The following SRGAP3 variants were observed in gnomAD, a reference collection of about 807,000 sequenced individuals.
SRGAP3 encodes the protein SLIT-ROBO Rho GTPase activating protein 3.
In SRGAP3, 39 loss-of-function variants were observed where a neutral mutation model predicts 121.1. That is an observed-to-expected ratio of 0.32 (90% CI 0.25 to 0.42). The LOEUF is 0.42. SRGAP3 is among the 10% of genes least tolerant of loss of function. The pLI, the probability that SRGAP3 is intolerant of heterozygous loss-of-function variation, is 1.00. For missense variants in SRGAP3, 1,213 were observed against 1,470.6 expected (o/e 0.82, Z 2.86); for synonymous variants, 601 against 570.0 (o/e 1.05, Z -0.77).
intron 3 of SRGAP3, among the ~76,000 whole-genome samples, chr3:9,316,335 C>T (rs1217119404): frequency 6.6e-6 from 1 of 150,574 alleles, no homozygotes; most frequent in African/African-American, 2.4e-5. Flanking sequence ...AGGTGTGAGC[C>T]ACCACACTCA....
intron 2 of SRGAP3, among the ~76,000 whole-genome samples, chr3:9,123,392 TACACA>T (rs1176374703): frequency 0.22 from 2,463 of 11,018 alleles, 30 homozygotes; most frequent in South Asian, 0.31. Context: ...TATATATACA[TACACA>T]ATACACATAC....
At position 9,344,791 on chromosome 3, in the gene SRGAP3, C is replaced by T. The variant is rs560203924; in HGVS notation, n.215-14195G>A. 2.0e-5 allele frequency among the ~76,000 whole-genome samples: 3 copies of T among 152,282 alleles called. No homozygotes were observed. The South Asian group carries it at 6.2e-4, about 32-fold the overall frequency. On this transcript the variant is annotated intron_variant and non_coding_transcript_variant, in intron 1 of 3. Coordinates refer to the SRGAP3 transcript ENST00000490889. ...GTGGCTCATGCCTGTAATCCCAGCA[C>T]TTTGGGAGGCCTAGGCGGGTGGATC...
intron 4 of SRGAP3, among the ~76,000 whole-genome samples, chr3:9,075,627 T>C (rs1377412064): frequency 6.6e-6 from 1 of 152,116 alleles, no homozygotes; most frequent in Non-Finnish European, 1.5e-5. Context: ...CCTTTAGCAT[T>C]TATCTCCACC....
At chr3:9,363,001 G>T (rs886759418) in exon 1 of SRGAP3, 2 of 152,220 alleles carry the variant, frequency 1.3e-5, no homozygotes, top group Admixed American at 1.3e-4. Flanking sequence ...GGGGGAACCC[G>T]CCGCCAGCGC....
chr3:8,989,301 G>T (rs150158585), intron 21 of SRGAP3, among the ~76,000 whole-genome samples: 3,677 of 152,300 alleles, frequency 0.024, 68 homozygotes, highest in Non-Finnish European at 0.037. Flanking sequence ...GTATGGGGGG[G>T]ACCAGCAGCT....
At chr3:9,051,536 A>T (rs982705477) in intron 9 of SRGAP3, among the ~76,000 whole-genome samples, 8 of 152,144 alleles carry the variant, frequency 5.3e-5, no homozygotes, top group Admixed American at 5.2e-4. Context: ...CCTGCCCAAG[A>T]TATCCCCTAC....
chr3:9,118,103 G>A (rs1474284456), intron 2 of SRGAP3, among the ~76,000 whole-genome samples: 2 of 152,116 alleles, frequency 1.3e-5, no homozygotes, highest in African/African-American at 4.8e-5. Context: ...CTACATTCCA[G>A]CTTGGGCGAC....
At chr3:9,264,083 C>T (rs958976351) in intron 3 of SRGAP3, among the ~76,000 whole-genome samples, 2 of 152,146 alleles carry the variant, frequency 1.3e-5, no homozygotes, top group East Asian at 3.8e-4. Flanking sequence ...AATCAATAAA[C>T]ATAATCCATC....
At chr3:9,347,329 G>A (rs1270339039) in intron 1 of SRGAP3, among the ~76,000 whole-genome samples, 1 of 152,192 alleles carries the variant, frequency 6.6e-6, no homozygotes, top group Non-Finnish European at 1.5e-5. Context: ...CCTGGCTGGT[G>A]AGTAGGCATA....
intron 4 of SRGAP3, among the ~76,000 whole-genome samples, chr3:9,077,130 C>G (rs1182273757): frequency 4.6e-5 from 7 of 151,374 alleles, no homozygotes; most frequent in Non-Finnish European, 7.4e-5. Context: ...ACCCCCTCCC[C>G]CTCCGACAAG....
intron 6 of SRGAP3, 103 bp from the exon 7 acceptor site, chr3:9,058,575 C>A: frequency 8.1e-7 from 1 of 1,237,600 alleles, no homozygotes; most frequent in Non-Finnish European, 1.2e-6. Context: ...TTTCCACAGC[C>A]GAATCTTCCA....
chr3:9,185,004 C>T (rs1951551537), intron 1 of SRGAP3, among the ~76,000 whole-genome samples: 1 of 152,134 alleles, frequency 6.6e-6, no homozygotes, highest in Non-Finnish European at 1.5e-5. Context: ...TCTTCCCATC[C>T]TCCCTCCCCA....
rs1247312923 is a variant in SRGAP3, at chr3:9,239,347, T to C, written c.67+9538A>G. 6.6e-6 allele frequency among the ~76,000 whole-genome samples: 1 copy of C among 152,146 alleles called. No homozygotes were observed. The highest frequency in any genetic ancestry group is 1.5e-5 in the Non-Finnish European group (1 of 68,026). ...GTGAGCCAAGGTTGCACCACTGCAT[T>C]CCAGTCTGGGCAACAGAGCAAGACT... On this transcript the variant is annotated intron_variant, in intron 1 of 21. Coordinates refer to ENST00000383836, the MANE Select transcript of SRGAP3 (RefSeq NM_014850.4). The surrounding 1 kb of genome is among the most constrained non-coding windows in gnomAD (Gnocchi z 4.0).
In SRGAP3 at chr3:9,340,725, T is replaced by C. The variant is rs1955772375; in HGVS notation, n.215-10129A>G. 5.3e-5 allele frequency among the ~76,000 whole-genome samples: 8 copies of C among 152,294 alleles called. 2 individuals are homozygous for C. Among genetic ancestry groups the C allele is most frequent in the Admixed American group, 4.6e-4 (7 of 15,292 alleles). ...ATGAGTACCCAGCCCCATTTCTTGA[T>C]GTGTACAAGAGCCCTGTGGAAGAGA... On this transcript the variant is annotated intron_variant and non_coding_transcript_variant, in intron 1 of 3. Coordinates refer to the SRGAP3 transcript ENST00000490889.
chr3:9,165,754 C>T (rs192412777), intron 1 of SRGAP3, among the ~76,000 whole-genome samples: 5 of 152,274 alleles, frequency 3.3e-5, no homozygotes, highest in Non-Finnish European at 7.4e-5. Flanking sequence ...TTTGCATGCA[C>T]GGTTGCCTTG....
chr3:9,239,677 C>A lies in SRGAP3; in HGVS notation c.67+9208G>T, dbSNP rs921601808. Among the ~76,000 whole-genome samples the A allele has an allele frequency of 1.1e-4, 17 of 152,168 alleles. No homozygotes were observed. The highest frequency in any genetic ancestry group is 4.1e-4 in the African/African-American group (17 of 41,434). ...CATATTGATTAGGGCTGCACTGTTT[C>A]CAAATTACCATTTAAATCAATGGTT... is the stretch of plus-strand genomic sequence containing the variant. On this transcript the variant is annotated intron_variant, in intron 1 of 21. Coordinates refer to ENST00000383836, the MANE Select transcript of SRGAP3 (RefSeq NM_014850.4). This position sits in a 1 kb window ranked among gnomAD's most constrained non-coding sequence, Gnocchi z 4.0.
At chr3:9,123,378 T>C (rs1302112047) in intron 2 of SRGAP3, among the ~76,000 whole-genome samples, 1 of 17,824 alleles carries the variant, frequency 5.6e-5, no homozygotes, top group Non-Finnish European at 1.2e-4. Flanking sequence ...AAAAAATATA[T>C]ATATATATAT....
At chr3:9,224,125 C>G (rs1438799288) in intron 1 of SRGAP3, among the ~76,000 whole-genome samples, 1 of 152,170 alleles carries the variant, frequency 6.6e-6, no homozygotes, top group Non-Finnish European at 1.5e-5. Context: ...GCCCGCAGCC[C>G]TTCCACATGA....
In SRGAP3 at chr3:8,985,833, C is replaced by G; in HGVS notation, c.2986G>C (p.Glu996Gln). The change falls in exon 22 of 22, where the codon GAG (glutamate) becomes CAG (glutamine). Residue 996 changes from glutamate to glutamine, a missense_variant. Transcript: ENST00000383836. The surrounding 1 kb of genome is among the most constrained non-coding windows in gnomAD (Gnocchi z 5.1). ...GGGCCTGGCGGGTTCTTCAGGGGCT[C>G]CAGGGTGTCCAGCACCACATCTGGC... ...QAPDVVLDTL[E>Q]PLKNPPGPVS... 2 of 1,600,406 alleles carry G rather than the reference C, an allele frequency of 1.2e-6. No homozygotes were observed. Among genetic ancestry groups the G allele is most frequent in the Non-Finnish European group, 1.7e-6 (2 of 1,179,906 alleles).
Sources: gnomAD v4.1 joint callset for allele counts (sites outside exome capture counted in the v4.1 genomes callset) on GRCh38, gnomAD v4.1.1 for gene constraint, Gnocchi (gnomAD v3.1) non-coding constraint, MANE v1.5 for transcripts, NCBI Gene and HGNC (gene_info 2026-07-23, HGNC 2026-07-21) for gene names.